SLC24A2: variants seen among roughly 807,000 people sequenced by gnomAD.
SLC24A2 encodes the protein solute carrier family 24 member 2.
Under a neutral mutation model 62.0 loss-of-function variants are expected in SLC24A2, and 36 were observed. The ratio of observed to expected loss-of-function variants is 0.58; its 90% confidence interval spans 0.44 to 0.77. The LOEUF (loss-of-function observed/expected upper bound fraction) is 0.77, where lower values mean the gene tolerates loss of function less well. Among genes scored for constraint, SLC24A2 ranks in the 30% least tolerant of loss-of-function variants. SLC24A2 has a pLI of 0.00. For synonymous variants in SLC24A2, 358 were observed against 294.0 expected (o/e 1.22, Z -2.23); for missense variants, 846 against 817.9 (o/e 1.03, Z -0.42).
the SLC24A2 span, among the ~76,000 whole-genome samples, chr9:20,131,637 G>T: frequency 6.6e-6 from 1 of 152,178 alleles, no homozygotes; most frequent in South Asian, 2.1e-4. Context: ...TCTTATTCCT[G>T]TGGGTTAATA....
At chr9:19,803,821 A>G in the SLC24A2 span, among the ~76,000 whole-genome samples, 1 of 152,188 alleles carries the variant, frequency 6.6e-6, no homozygotes, top group Non-Finnish European at 1.5e-5. Context: ...TAGTTAAATT[A>G]TTTGAGAAAC....
At chr9:20,286,473 G>A in the SLC24A2 span, among the ~76,000 whole-genome samples, 9 of 152,238 alleles carry the variant, frequency 5.9e-5, 1 homozygote, top group African/African-American at 2.2e-4. Context: ...TAGTAAGGAT[G>A]ATGAGCAAAA....
chr9:19,769,474 C>T (rs1036505793), intron 2 of SLC24A2, among the ~76,000 whole-genome samples: 4 of 152,206 alleles, frequency 2.6e-5, no homozygotes, highest in Non-Finnish European at 5.9e-5. Flanking sequence ...ATGAGTCAGA[C>T]TTTGTCAGTA....
At chr9:19,692,635 C>G (rs1366035465) in intron 2 of SLC24A2, among the ~76,000 whole-genome samples, 2 of 152,100 alleles carry the variant, frequency 1.3e-5, no homozygotes, top group Admixed American at 6.6e-5. Flanking sequence ...AATAATCACT[C>G]TTTATTCACT....
the SLC24A2 span, among the ~76,000 whole-genome samples, chr9:20,013,877 A>T: frequency 6.6e-6 from 1 of 152,186 alleles, no homozygotes; most frequent in African/African-American, 2.4e-5. Context: ...ACCACAAGGA[A>T]ATATCACCTC....
intron 2 of SLC24A2, among the ~76,000 whole-genome samples, chr9:19,699,892 C>G (rs954099124): frequency 3.3e-5 from 5 of 152,104 alleles, no homozygotes; most frequent in African/African-American, 1.2e-4. Flanking sequence ...ACACCAATGA[C>G]TCAGCCCCTT....
At chr9:19,629,236 T>A (rs1328428004) in intron 2 of SLC24A2, among the ~76,000 whole-genome samples, 1 of 152,078 alleles carries the variant, frequency 6.6e-6, no homozygotes, top group African/African-American at 2.4e-5. Flanking sequence ...GCTGGGGAAA[T>A]GAGAAAGTGG....
chr9:19,893,486 A>G, the SLC24A2 span, among the ~76,000 whole-genome samples: 6 of 152,326 alleles, frequency 3.9e-5, no homozygotes, highest in African/African-American at 9.6e-5. Context: ...ACACTCATGG[A>G]GCAGGAATTT....
At chr9:19,725,452 G>C (rs937368102) in intron 2 of SLC24A2, among the ~76,000 whole-genome samples, 1 of 152,076 alleles carries the variant, frequency 6.6e-6, no homozygotes, top group Non-Finnish European at 1.5e-5. Flanking sequence ...TTCTATCTTG[G>C]CTTAGGATGA....
intron 8 of SLC24A2, 101 bp downstream of exon 8, chr9:19,550,036 T>G: frequency 8.4e-7 from 1 of 1,184,820 alleles, no homozygotes; most frequent in South Asian, 1.2e-5. Flanking sequence ...TTGATACAAG[T>G]GTACTTCCTT....
At chr9:19,871,951 T>C in the SLC24A2 span, among the ~76,000 whole-genome samples, 1 of 152,158 alleles carries the variant, frequency 6.6e-6, no homozygotes, top group East Asian at 1.9e-4. Flanking sequence ...AAGACTTTTT[T>C]TTTGTGGTCT....
chr9:20,245,636 G>C, the SLC24A2 span, among the ~76,000 whole-genome samples: 1 of 152,186 alleles, frequency 6.6e-6, no homozygotes, highest in Non-Finnish European at 1.5e-5. Flanking sequence ...CAGATGTTGT[G>C]TTAAAAGGTC....
the SLC24A2 span, among the ~76,000 whole-genome samples, chr9:20,107,522 A>G: frequency 2.0e-4 from 30 of 152,138 alleles, no homozygotes; most frequent in African/African-American, 5.3e-4. Flanking sequence ...ACAGAACAGA[A>G]CCCTCAGAAA....
the SLC24A2 span, among the ~76,000 whole-genome samples, chr9:19,904,096 C>G: frequency 6.6e-6 from 1 of 152,136 alleles, no homozygotes; most frequent in Non-Finnish European, 1.5e-5. Context: ...AAAGACCTGC[C>G]AGGACCTGTA....
At chr9:19,697,351 G>A (rs1273346254) in intron 2 of SLC24A2, among the ~76,000 whole-genome samples, 1 of 152,084 alleles carries the variant, frequency 6.6e-6, no homozygotes, top group East Asian at 1.9e-4. Context: ...TTCAGGTGAT[G>A]GGTTGATCTG....
the SLC24A2 span, among the ~76,000 whole-genome samples, chr9:20,039,560 T>C: frequency 1.3e-5 from 2 of 151,738 alleles, no homozygotes; most frequent in African/African-American, 4.8e-5. Context: ...GGGCAGGAGG[T>C]TGGCATTGTG....
At chr9:19,949,918 C>G in the SLC24A2 span, among the ~76,000 whole-genome samples, 1 of 152,298 alleles carries the variant, frequency 6.6e-6, no homozygotes, top group East Asian at 1.9e-4. Flanking sequence ...CCTTGCTAAT[C>G]GAGTGTGGTG....
the SLC24A2 span, among the ~76,000 whole-genome samples, chr9:19,882,872 C>T: frequency 2.0e-5 from 3 of 152,256 alleles, no homozygotes; most frequent in East Asian, 3.9e-4. Flanking sequence ...AAGGCTACTC[C>T]ACCAAGCAGC....
chr9:19,766,353 G>T (rs1217586161), intron 2 of SLC24A2, among the ~76,000 whole-genome samples: 1 of 152,202 alleles, frequency 6.6e-6, no homozygotes, highest in Non-Finnish European at 1.5e-5. Context: ...GTGAGGAGTT[G>T]TGATCCTTTG....
Sources: allele counts gnomAD v4.1 joint callset (sites outside exome capture counted in the v4.1 genomes callset), GRCh38; gene constraint gnomAD v4.1.1; transcripts MANE v1.5; gene names NCBI Gene and HGNC (gene_info 2026-07-23, HGNC 2026-07-21).